HEATR4: variants seen among roughly 807,000 people sequenced by gnomAD.
HEATR4 encodes HEAT repeat-containing protein 4.
A neutral mutation model predicts 108.8 loss-of-function variants in HEATR4; 95 were observed. The ratio of observed to expected loss-of-function variants is 0.87; its 90% CI spans 0.74 to 1.04. HEATR4 has a LOEUF of 1.04. Ranked by LOEUF, HEATR4 falls within the 50% of genes least tolerant of loss-of-function variation. The probability of loss-of-function intolerance (pLI) is 0.00; values close to 1 mark genes in which losing one functional copy is unlikely to be tolerated. For missense variants in HEATR4, 1,152 were observed against 1,253.8 expected, an observed-to-expected ratio of 0.92 and a Z score of 1.23; for synonymous variants, 443 against 459.4, an observed-to-expected ratio of 0.96 and a Z score of 0.46.
intron 6 of HEATR4, 78 bp from the exon 7 acceptor site, chr14:73,512,227 G>A (rs1429384448): frequency 3.3e-6 from 5 of 1,519,570 alleles, no homozygotes; most frequent in Admixed American, 3.8e-5. Flanking sequence ...GTGACAAGAA[G>A]TCTGCCCTTC....
chr14:73,568,994 T>A, the HEATR4 span: 1 of 534,100 alleles, frequency 1.9e-6, no homozygotes, highest in African/African-American at 1.9e-5. Flanking sequence ...TGGAGACTGC[T>A]AGCTGCCTGG....
chr14:73,491,395 C>T, intron 17 of HEATR4: 2 of 1,348,740 alleles, frequency 1.5e-6, no homozygotes, highest in Non-Finnish European at 1.9e-6. Flanking sequence ...TGCCCGCTTC[C>T]GCGCCGCCCG....
At chr14:73,520,697 C>T in intron 4 of HEATR4, 155 bp downstream of exon 4, 3 of 666,862 alleles carry the variant, frequency 4.5e-6, no homozygotes, top group African/African-American at 1.8e-5. Flanking sequence ...CGACCCAACT[C>T]CTGTGCTAGT....
chr14:73,519,574 G>A (rs1887847299), intron 4 of HEATR4, among the ~76,000 whole-genome samples: 1 of 151,800 alleles, frequency 6.6e-6, no homozygotes, highest in Non-Finnish European at 1.5e-5. Flanking sequence ...TAAGACCCCC[G>A]TCTCTACAAA....
the HEATR4 span, chr14:73,575,603 T>C: frequency 7.0e-6 from 11 of 1,569,790 alleles, no homozygotes; most frequent in Admixed American, 6.0e-5. Flanking sequence ...CATTCTTTTG[T>C]TTTTAATAAC....
rs375723728 is a variant in HEATR4, at chr14:73,506,490, G to C, written c.1963C>G (p.Arg655Gly). 1 of 1,613,390 alleles carries C rather than the reference G, an allele frequency of 6.2e-7. No homozygotes were observed. The highest frequency in any genetic ancestry group is 8.5e-7 in the Non-Finnish European group (1 of 1,179,826). The change falls in exon 10 of 18, where the codon CGG becomes GGG. Residue 655 changes from arginine (R) to glycine (G), a missense_variant. Arg to Gly is a moderately radical substitution (Grantham distance 125). Coordinates refer to ENST00000553558, the MANE Select transcript of HEATR4 (RefSeq NM_001220484.1). ...NRIVACQAFS[R>G]ISGNVCLDMK... ...ACCAAGCAGACATTTCCACTGATCC[G>C]GGAGAAAGCCTGGCAGGCCACAATC...
At chr14:73,561,485 C>G (rs972193733), upstream of HEATR4, among the ~76,000 whole-genome samples, 2 of 151,780 alleles carry the variant, frequency 1.3e-5, no homozygotes, top group African/African-American at 4.8e-5. Flanking sequence ...GTCAGGAGTT[C>G]GAGACCAGCT....
At chr14:73,502,449 TGTTA>T (rs1258055896) in intron 11 of HEATR4, among the ~76,000 whole-genome samples, 1 of 152,108 alleles carries the variant, frequency 6.6e-6, no homozygotes, top group African/African-American at 2.4e-5. Context: ...CTAGCCACAT[TGTTA>T]GTTTGTAGGG....
At chr14:73,576,509 A>AT in the HEATR4 span, among the ~76,000 whole-genome samples, 6 of 151,956 alleles carry the variant, frequency 3.9e-5, no homozygotes, top group Non-Finnish European at 8.8e-5. Context: ...GTGAAGTTAA[A>AT]TAACAATTTA....
chr14:73,596,764 A>C, the HEATR4 span, among the ~76,000 whole-genome samples: 1 of 151,746 alleles, frequency 6.6e-6, no homozygotes, highest in Non-Finnish European at 1.5e-5. Flanking sequence ...ATGCCCGGCT[A>C]ATTTTTGTAT....
intron 8 of HEATR4, among the ~76,000 whole-genome samples, chr14:73,509,107 T>G (rs925254615): frequency 2.0e-5 from 3 of 152,178 alleles, no homozygotes; most frequent in Non-Finnish European, 2.9e-5. Flanking sequence ...GCTCAGGTGA[T>G]CCTGTCGCCT....
the HEATR4 span, chr14:73,617,014 T>C: frequency 2.6e-6 from 2 of 777,440 alleles, no homozygotes; most frequent in Non-Finnish European, 4.4e-6. Flanking sequence ...CCTGGGATCA[T>C]TGATCTGTTT....
intron 6 of HEATR4, among the ~76,000 whole-genome samples, chr14:73,513,728 C>CA (rs747778891): frequency 0.099 from 4,628 of 46,748 alleles, 1,123 homozygotes; most frequent in East Asian, 0.27. Context: ...ACTACGTCTC[C>CA]AAAAAAAAAA....
the HEATR4 span, chr14:73,569,220 C>T: frequency 6.2e-7 from 1 of 1,611,954 alleles, no homozygotes; most frequent in Non-Finnish European, 8.5e-7. Context: ...GGCGCTTAGC[C>T]TGCGACGGCA....
chr14:73,485,403 A>ATTTT (rs35289379), intron 17 of HEATR4, among the ~76,000 whole-genome samples: 1 of 140,450 alleles, frequency 7.1e-6, no homozygotes, highest in African/African-American at 2.6e-5. Context: ...ACATGGGTGA[A>ATTTT]TTTTTTTTTT....
At chr14:73,542,403 CTTT>C (rs57839054) in intron 1 of HEATR4, among the ~76,000 whole-genome samples, 1 of 83,482 alleles carries the variant, frequency 1.2e-5, no homozygotes. Context: ...TTTTTTCTTT[CTTT>C]TTTTTTTTTT....
the HEATR4 span, among the ~76,000 whole-genome samples, chr14:73,594,125 A>T: frequency 6.6e-6 from 1 of 152,176 alleles, no homozygotes; most frequent in Non-Finnish European, 1.5e-5. Context: ...GTAATATTAA[A>T]TATTATCTGT....
intron 17 of HEATR4, among the ~76,000 whole-genome samples, chr14:73,485,799 G>T (rs1595076583): frequency 6.6e-6 from 1 of 151,976 alleles, no homozygotes. Flanking sequence ...AACCTGGCAG[G>T]TGGAGGTTGC....
intron 17 of HEATR4, chr14:73,491,851 C>T (rs764013339): frequency 1.1e-5 from 17 of 1,609,832 alleles, no homozygotes; most frequent in African/African-American, 6.7e-5. Context: ...TGAACCCACC[C>T]GGCCGCGCGC....
Sources: gnomAD v4.1 joint callset for allele counts (sites outside exome capture counted in the v4.1 genomes callset) on GRCh38, gnomAD v4.1.1 for gene constraint, MANE v1.5 for transcripts, NCBI Gene and HGNC (gene_info 2026-07-23, HGNC 2026-07-21) for gene names.